The following CFAP90 variants were observed in gnomAD, a reference collection of about 807,000 sequenced individuals.
CFAP90 encodes the protein cilia- and flagella-associated protein 90.
At chr5:7,848,287 G>A in the CFAP90 span, among the ~76,000 whole-genome samples, 2 of 152,072 alleles carry the variant, frequency 1.3e-5, no homozygotes, top group East Asian at 3.9e-4. Flanking sequence ...TGGGAGAACA[G>A]GCAAACAGGG....
At chr5:7,831,642 A>C in the CFAP90 span, 2 of 522,046 alleles carry the variant, frequency 3.8e-6, no homozygotes, top group African/African-American at 1.9e-5. Flanking sequence ...ACATGTACTA[A>C]AGGTGTTGTT....
the CFAP90 span, chr5:7,850,909 G>T: frequency 7.4e-7 from 1 of 1,360,318 alleles, no homozygotes; most frequent in Non-Finnish European, 9.5e-7. Context: ...GTGCTCTTTG[G>T]GGTCCAGGCG....
the CFAP90 span, among the ~76,000 whole-genome samples, chr5:7,846,136 T>C: frequency 1.3e-5 from 2 of 152,246 alleles, no homozygotes; most frequent in South Asian, 4.2e-4. Context: ...AATAGCTCTA[T>C]GAAATTGGCA....
chr5:7,838,658 C>T, the CFAP90 span, among the ~76,000 whole-genome samples: 50 of 152,174 alleles, frequency 3.3e-4, no homozygotes, highest in Non-Finnish European at 5.7e-4. Context: ...TCAATAGTAG[C>T]CAGGCTCTTG....
chr5:7,837,861 C>T, the CFAP90 span, among the ~76,000 whole-genome samples: 1 of 152,216 alleles, frequency 6.6e-6, no homozygotes, highest in Non-Finnish European at 1.5e-5. Flanking sequence ...AGTTCAGAGT[C>T]ACTCTAATCC....
At chr5:7,850,676 C>A in the CFAP90 span, among the ~76,000 whole-genome samples, 1 of 147,804 alleles carries the variant, frequency 6.8e-6, no homozygotes, top group Non-Finnish European at 1.5e-5. Context: ...GGCCCCTTTC[C>A]CTAAGGTGAA....
chr5:7,837,485 G>A, the CFAP90 span, among the ~76,000 whole-genome samples: 2 of 152,226 alleles, frequency 1.3e-5, no homozygotes, highest in East Asian at 1.9e-4. Context: ...GGAGGATACA[G>A]AGGTAGAAGT....
the CFAP90 span, among the ~76,000 whole-genome samples, chr5:7,850,334 C>T: frequency 1.3e-5 from 2 of 151,876 alleles, no homozygotes; most frequent in Non-Finnish European, 2.9e-5. Context: ...TCGGAACCCA[C>T]CCCTGGTAGT....
chr5:7,835,084 TAC>T, the CFAP90 span, among the ~76,000 whole-genome samples: 1 of 152,362 alleles, frequency 6.6e-6, no homozygotes, highest in East Asian at 1.9e-4. Flanking sequence ...AAGTTACGTT[TAC>T]ACTATACTAT....
chr5:7,847,360 A>G, the CFAP90 span, among the ~76,000 whole-genome samples: 1 of 152,190 alleles, frequency 6.6e-6, no homozygotes, highest in Non-Finnish European at 1.5e-5. Context: ...GCATGGAAAA[A>G]AATTGTTTTT....
At chr5:7,841,931 G>C in the CFAP90 span, among the ~76,000 whole-genome samples, 1 of 151,912 alleles carries the variant, frequency 6.6e-6, no homozygotes, top group South Asian at 2.1e-4. Flanking sequence ...CATGGCATAC[G>C]TTTACGTATG....
the CFAP90 span, among the ~76,000 whole-genome samples, chr5:7,832,889 A>G: frequency 1.3e-5 from 2 of 152,222 alleles, no homozygotes; most frequent in African/African-American, 4.8e-5. Flanking sequence ...GAGGAAGACA[A>G]TAACTTTGCA....
chr5:7,846,372 G>A, the CFAP90 span, among the ~76,000 whole-genome samples: 1 of 152,196 alleles, frequency 6.6e-6, no homozygotes, highest in African/African-American at 2.4e-5. Context: ...ATAAACAACA[G>A]ATGCTTATTT....
At chr5:7,834,845 T>TA in the CFAP90 span, among the ~76,000 whole-genome samples, 2 of 152,120 alleles carry the variant, frequency 1.3e-5, no homozygotes, top group African/African-American at 4.8e-5. Flanking sequence ...AGGTTTGTGT[T>TA]AAGTACACTC....
At chr5:7,843,710 T>A in the CFAP90 span, among the ~76,000 whole-genome samples, 1 of 152,124 alleles carries the variant, frequency 6.6e-6, no homozygotes, top group African/African-American at 2.4e-5. Flanking sequence ...GGGCTGAAAC[T>A]CGAATTCAAT....
chr5:7,849,950 C>T, the CFAP90 span, among the ~76,000 whole-genome samples: 28 of 152,220 alleles, frequency 1.8e-4, no homozygotes, highest in Middle Eastern at 3.4e-3. Flanking sequence ...GCGGCCCCGG[C>T]TTCCCGCGAC....
At chr5:7,850,981 C>T in the CFAP90 span, 3 of 1,304,070 alleles carry the variant, frequency 2.3e-6, no homozygotes, top group South Asian at 2.7e-5. Flanking sequence ...GGGCTTGCCC[C>T]GCAGCGTGGA....
At chr5:7,850,951 G>C in the CFAP90 span, 1 of 1,336,312 alleles carries the variant, frequency 7.5e-7, no homozygotes, top group Non-Finnish European at 9.6e-7. Context: ...GGCGGACTGC[G>C]CCGAGACGGG....
the CFAP90 span, among the ~76,000 whole-genome samples, chr5:7,834,945 C>T: frequency 2.0e-5 from 3 of 152,006 alleles, no homozygotes; most frequent in Non-Finnish European, 2.9e-5. Flanking sequence ...ACATACACCC[C>T]GCACCAAACA....
Sources: gnomAD v4.1 joint callset for allele counts (sites outside exome capture counted in the v4.1 genomes callset) on GRCh38, gnomAD v4.1.1 for gene constraint, MANE v1.5 for transcripts, NCBI Gene and HGNC (gene_info 2026-07-23, HGNC 2026-07-21) for gene names.